RNGTT: variants seen among roughly 807,000 people sequenced by gnomAD.
The protein encoded by RNGTT is mRNA-capping enzyme.
Under a neutral mutation model 79.3 loss-of-function variants are expected in RNGTT, and 33 were observed. That is an observed-to-expected ratio of 0.42 (90% CI 0.32 to 0.56). The LOEUF is 0.56. Among genes scored for constraint, RNGTT ranks in the 20% least tolerant of loss-of-function variants. RNGTT has a pLI of 0.17. For synonymous variants in RNGTT, 222 were observed against 235.9 expected, an observed-to-expected ratio of 0.94 and a Z score of 0.54; for missense variants, 497 against 739.1, an observed-to-expected ratio of 0.67 and a Z score of 3.80.
At chr6:88,838,912 A>G (rs1355071563) in intron 11 of RNGTT, among the ~76,000 whole-genome samples, 2 of 152,196 alleles carry the variant, frequency 1.3e-5, no homozygotes, top group African/African-American at 4.8e-5. Context: ...AGACAGCCAA[A>G]TAGATCAAGA....
intron 12 of RNGTT, among the ~76,000 whole-genome samples, chr6:88,781,678 C>T (rs997270712): frequency 6.6e-6 from 1 of 152,100 alleles, no homozygotes; most frequent in African/African-American, 2.4e-5. Context: ...AAAAGTATGC[C>T]AGGCACTGGC....
At chr6:88,756,288 C>T (rs1045675736) in intron 13 of RNGTT, among the ~76,000 whole-genome samples, 2 of 151,794 alleles carry the variant, frequency 1.3e-5, no homozygotes, top group East Asian at 1.9e-4. Flanking sequence ...GCCTGGCCAA[C>T]ACGGTGAAAC....
intron 13 of RNGTT, among the ~76,000 whole-genome samples, chr6:88,689,134 T>A (rs9362539): frequency 0.27 from 40,583 of 151,986 alleles, 9,507 homozygotes; most frequent in African/African-American, 0.63. Flanking sequence ...TCATGGGTCA[T>A]CTTTATTCTT....
intron 11 of RNGTT, among the ~76,000 whole-genome samples, chr6:88,805,951 A>C (rs1040219986): frequency 6.6e-6 from 1 of 152,212 alleles, no homozygotes; most frequent in African/African-American, 2.4e-5. Context: ...AATTCTTTGG[A>C]GCACTGAAGA....
chr6:88,817,567 T>A (rs889321311), intron 11 of RNGTT, among the ~76,000 whole-genome samples: 5 of 147,956 alleles, frequency 3.4e-5, no homozygotes, highest in Non-Finnish European at 7.4e-5. Context: ...AACACATACG[T>A]GTACACACAC....
At chr6:88,855,269 G>A (rs1305994611) in intron 8 of RNGTT, among the ~76,000 whole-genome samples, 2 of 152,180 alleles carry the variant, frequency 1.3e-5, no homozygotes, top group Non-Finnish European at 2.9e-5. Flanking sequence ...AGCTAACAGA[G>A]TATATGGAAG....
intron 8 of RNGTT, among the ~76,000 whole-genome samples, chr6:88,877,504 T>C (rs535180226): frequency 7.9e-5 from 12 of 152,192 alleles, no homozygotes; most frequent in Non-Finnish European, 1.6e-4. Flanking sequence ...TGAATTTTTT[T>C]TTAATAAAAG....
At chr6:88,665,426 C>G (rs549948395) in intron 14 of RNGTT, among the ~76,000 whole-genome samples, 1 of 152,168 alleles carries the variant, frequency 6.6e-6, no homozygotes, top group Non-Finnish European at 1.5e-5. Flanking sequence ...GGAACACCCC[C>G]CTCCTACCTG....
intron 11 of RNGTT, among the ~76,000 whole-genome samples, chr6:88,812,699 C>T (rs1044621397): frequency 6.6e-6 from 1 of 152,168 alleles, no homozygotes; most frequent in Non-Finnish European, 1.5e-5. Flanking sequence ...AGAAGACATC[C>T]TCATCTACAA....
chr6:88,676,268 A>G (rs934878340), intron 14 of RNGTT, among the ~76,000 whole-genome samples: 1 of 152,110 alleles, frequency 6.6e-6, no homozygotes, highest in African/African-American at 2.4e-5. Flanking sequence ...GGATAAACTG[A>G]TTTTCAACAA....
At chr6:88,795,305 G>A (rs909917930) in intron 12 of RNGTT, among the ~76,000 whole-genome samples, 3 of 152,144 alleles carry the variant, frequency 2.0e-5, no homozygotes, top group African/African-American at 7.2e-5. Flanking sequence ...GAGGGCTGAA[G>A]GCAGTAAATG....
At chr6:88,940,971 TA>T in intron 2 of RNGTT, 99 bp downstream of exon 2, 1 of 621,756 alleles carries the variant, frequency 1.6e-6, no homozygotes, top group Non-Finnish European at 2.8e-6. Context: ...TTGAGTCTAT[TA>T]ATTATTTTAA....
At chr6:88,675,716 C>A (rs56375219) in intron 14 of RNGTT, among the ~76,000 whole-genome samples, 3,502 of 136,278 alleles carry the variant, frequency 0.026, 151 homozygotes, top group African/African-American at 0.09. Context: ...AAAAAAAAAA[C>A]AATCAGCTTT....
chr6:88,697,416 T>G (rs983627594), intron 13 of RNGTT, among the ~76,000 whole-genome samples: 1 of 151,942 alleles, frequency 6.6e-6, no homozygotes, highest in Non-Finnish European at 1.5e-5. Flanking sequence ...CCAGGCGTGG[T>G]GGCGGGCACC....
intron 2 of RNGTT, among the ~76,000 whole-genome samples, chr6:88,939,106 T>C (rs1784764058): frequency 1.3e-5 from 2 of 152,230 alleles, no homozygotes; most frequent in Non-Finnish European, 2.9e-5. Flanking sequence ...TTAGATATTA[T>C]CTTTTGTGGG....
intron 12 of RNGTT, among the ~76,000 whole-genome samples, chr6:88,791,821 G>A (rs183535903): frequency 8.9e-4 from 135 of 152,286 alleles, no homozygotes; most frequent in East Asian, 6.4e-3. Flanking sequence ...TTACAGGCGG[G>A]AGCCACCATG....
chr6:88,681,330 C>T (rs1269988537), intron 13 of RNGTT, among the ~76,000 whole-genome samples: 1 of 152,110 alleles, frequency 6.6e-6, no homozygotes, highest in African/African-American at 2.4e-5. Flanking sequence ...TAAGAAATTT[C>T]TTAAATATAT....
chr6:88,961,580 G>A (rs1270238397), intron 1 of RNGTT, among the ~76,000 whole-genome samples: 1 of 152,154 alleles, frequency 6.6e-6, no homozygotes, highest in African/African-American at 2.4e-5. Flanking sequence ...GGGATTACAG[G>A]CACATACCAC....
At chr6:88,880,489 G>A (rs1782662265) in intron 8 of RNGTT, among the ~76,000 whole-genome samples, 1 of 152,028 alleles carries the variant, frequency 6.6e-6, no homozygotes, top group Non-Finnish European at 1.5e-5. Context: ...ATATGTGTGT[G>A]TATTATATAA....
Sources: allele counts gnomAD v4.1 joint callset (sites outside exome capture counted in the v4.1 genomes callset), GRCh38; gene constraint gnomAD v4.1.1; transcripts MANE v1.5; gene names NCBI Gene and HGNC (gene_info 2026-07-23, HGNC 2026-07-21).